Variants in GOLGB1 observed in about 807,000 individuals in gnomAD.
GOLGB1 encodes golgin subfamily B member 1.
GOLGB1 carries 174 observed loss-of-function variants against 336.9 expected under a neutral mutation model. The ratio of observed to expected loss-of-function variants is 0.52; its 90% CI spans 0.46 to 0.59. The LOEUF is 0.59. Among genes scored for constraint, GOLGB1 ranks in the 20% least tolerant of loss-of-function variants. The probability of loss-of-function intolerance (pLI) is 0.00; values close to 1 mark genes in which losing one functional copy is unlikely to be tolerated. For missense variants in GOLGB1, 3,331 were observed against 3,645.3 expected, an observed-to-expected ratio of 0.91 and a Z score of 2.22; for synonymous variants, 1,208 against 1,289.2, an observed-to-expected ratio of 0.94 and a Z score of 1.35.
intron 10 of GOLGB1, among the ~76,000 whole-genome samples, chr3:121,705,966 C>G (rs1242182243): frequency 6.6e-6 from 1 of 152,002 alleles, no homozygotes; most frequent in Non-Finnish European, 1.5e-5. Context: ...CTGAAAGGAC[C>G]AAGTTTTTTT....
At chr3:121,747,163 TA>T (rs1947355930) in intron 1 of GOLGB1, among the ~76,000 whole-genome samples, 1 of 93,672 alleles carries the variant, frequency 1.1e-5, no homozygotes. Context: ...TATATATATA[TA>T]TATATATATA....
At position 121,722,340 on chromosome 3, in the gene GOLGB1, T is replaced by C. The variant is rs1423769727; in HGVS notation, c.570A>G (p.Gln190=). The change falls in exon 6 of 22, where the codon CAA becomes CAG. Residue 190 remains glutamine, a synonymous_variant. Coordinates refer to ENST00000614479, the MANE Select transcript of GOLGB1 (RefSeq NM_001366282.2). ...TGAATTCTTCCTTCTCCTGGAGCTGTTGCTTCATCATTACAAATTCTTCCA... is the reference window on the plus strand; with the variant it reads ...TGAATTCTTCCTTCTCCTGGAGCTGCTGCTTCATCATTACAAATTCTTCCA... ...TEMEEFVMMK[Q]QLQEKEEFIS... 1.2e-6 allele frequency: 2 copies of C among 1,611,184 alleles called. No individual in the cohort carries two copies. The highest frequency in any genetic ancestry group is 1.7e-5 in the Admixed American group (1 of 59,980).
intron 8 of GOLGB1, among the ~76,000 whole-genome samples, chr3:121,717,802 A>C (rs1944890230): frequency 6.6e-6 from 1 of 152,224 alleles, no homozygotes; most frequent in South Asian, 2.1e-4. Flanking sequence ...CCTTATTCTA[A>C]ATGCTTGGGA....
intron 1 of GOLGB1, among the ~76,000 whole-genome samples, chr3:121,745,563 T>C (rs1483312601): frequency 6.6e-6 from 1 of 151,962 alleles, no homozygotes; most frequent in Admixed American, 6.6e-5. Flanking sequence ...TATACGTGTA[T>C]GTATATGTAT....
chr3:121,667,389 A>C (rs1395248375), intron 20 of GOLGB1, 87 bp downstream of exon 20: 1 of 1,383,986 alleles, frequency 7.2e-7, no homozygotes, highest in Non-Finnish European at 9.9e-7. Flanking sequence ...AAAAGATCTT[A>C]AGAAATCCTA....
Position 121,729,192 on chromosome 3 carries a change from G to C in GOLGB1, c.398C>G (p.Ser133Cys). 6.2e-7 allele frequency: 1 copy of C among 1,603,408 alleles called. No homozygotes were observed. The highest frequency in any genetic ancestry group is 8.5e-7 in the Non-Finnish European group (1 of 1,175,952). The change falls in exon 4 of 22, where the codon TCC becomes TGC. Residue 133 changes from serine to cysteine, a missense_variant. Ser to Cys is a moderately radical substitution (Grantham distance 112). Transcript: ENST00000614479. The stretch of plus-strand genomic sequence containing the variant: ...CACTACACCCAGTCACCATACCTTG[G>C]AAAGTTGCTCCTCTGACTGAGGTTC... The part of the protein sequence containing the change: ...PTEPQSEEQL[S>C]KHDKSSTEEE...
At position 121,667,483 on chromosome 3, in the gene GOLGB1, T is replaced by A. The variant is rs1261236516; in HGVS notation, c.9547A>T (p.Ile3183Phe). Residue 3183 changes from isoleucine (I) to phenylalanine (F), a missense_variant, in exon 20 of 22, where the codon ATC becomes TTC. Ile to Phe is a conservative substitution (Grantham distance 21). Transcript: ENST00000614479. ...ATCTCCTTCAGCCTTTACCGTCTGA[T>A]CTGCTCCTCGGCCACAGAGAGAGCA... ...ENALSVAEEQ[I>F]RRLEHSEWDS... 1 of 1,613,882 alleles carries A rather than the reference T, an allele frequency of 6.2e-7. No individual in the cohort carries two copies. Among genetic ancestry groups the A allele is most frequent in the African/African-American group, 1.3e-5 (1 of 74,946 alleles).
intron 6 of GOLGB1, among the ~76,000 whole-genome samples, 171 bp downstream of exon 6, chr3:121,722,091 C>T (rs1945236940): frequency 6.6e-6 from 1 of 152,190 alleles, no homozygotes; most frequent in Admixed American, 6.5e-5. Context: ...CACTTACCTA[C>T]CACACATCTC....
At chr3:121,747,998 GATTT>G (rs1245948559) in intron 1 of GOLGB1, among the ~76,000 whole-genome samples, 3 of 151,826 alleles carry the variant, frequency 2.0e-5, no homozygotes, top group Admixed American at 1.3e-4. Flanking sequence ...ATTAATGAAT[GATTT>G]ATTTTATAAA....
chr3:121,729,094 T>C (rs1413586652), intron 4 of GOLGB1, 94 bp downstream of exon 4: 3 of 855,742 alleles, frequency 3.5e-6, no homozygotes, highest in Admixed American at 2.5e-5. Context: ...TGCTGTATCA[T>C]TTTAGCATCC....
Position 121,664,993 on chromosome 3 carries a change from A to T in GOLGB1, c.9593T>A (p.Ile3198Asn). The change falls in exon 21 of 22, where the codon ATC (isoleucine) becomes AAC (asparagine). Residue 3198 changes from isoleucine to asparagine, a missense_variant. By Grantham distance (149) the Ile-to-Asn change is moderately radical (BLOSUM62 -3). Coordinates refer to ENST00000614479, the MANE Select transcript of GOLGB1 (RefSeq NM_001366282.2). The part of the protein sequence containing the change: ...HSEWDSSRTP[I>N]IGSCGTQEQA... ...CTCCTGAGTGCCACAGGAGCCAATGATAGGAGTCCGGGAAGAGTCCCATTC... is the reference window on the plus strand; with the variant it reads ...CTCCTGAGTGCCACAGGAGCCAATGTTAGGAGTCCGGGAAGAGTCCCATTC... 2.5e-6 allele frequency: 4 copies of T among 1,611,772 alleles called. No homozygotes were observed. Among genetic ancestry groups the T allele is most frequent in the Non-Finnish European group, 3.4e-6 (4 of 1,177,780 alleles).
chr3:121,665,094 G>A, intron 20 of GOLGB1, 63 bp from the exon 21 acceptor site: 1 of 880,494 alleles, frequency 1.1e-6, no homozygotes. Context: ...ATCAGGCCCA[G>A]TCTTCCCAGT....
intron 15 of GOLGB1, among the ~76,000 whole-genome samples, chr3:121,678,050 A>C (rs902337378): frequency 1.3e-5 from 2 of 152,254 alleles, no homozygotes; most frequent in African/African-American, 4.8e-5. Flanking sequence ...CAAAAGAAGA[A>C]ACAAATTTAT....
intron 9 of GOLGB1, among the ~76,000 whole-genome samples, chr3:121,716,193 T>C (rs1296175144): frequency 1.3e-5 from 2 of 152,222 alleles, no homozygotes; most frequent in African/African-American, 2.4e-5. Context: ...AGTTCTAAAA[T>C]GTTCAATTTT....
Position 121,718,571 on chromosome 3 carries a change from G to A in GOLGB1, c.772-70C>T. 6 of 1,103,366 alleles carry A rather than the reference G, an allele frequency of 5.4e-6. No individual in the cohort carries two copies. The Admixed American group carries it at 7.2e-5, about 13-fold the overall frequency. The allele number at this position is 1,103,366 out of a possible 1,614,324, so 68.3% of individuals were successfully genotyped here. On this transcript the variant is annotated intron_variant, in intron 7 of 21. Coordinates refer to ENST00000614479, the MANE Select transcript of GOLGB1 (RefSeq NM_001366282.2). ...CTTGTATTTGCTTATCTTTCAAAAT[G>A]TCATGTAGATTTGTATACTTAAATT...
At position 121,691,165 on chromosome 3, in the gene GOLGB1, A is replaced by T. The variant is rs765398243; in HGVS notation, c.8199T>A (p.Gly2733=). The part of the protein sequence containing the change: ...KLLMVTKENK[G]LTAQIQSFGR... ...CAAAAGACTGAATTTGTGCTGTGAG[A>T]CCTTTATTTTCTTTGGTGACCATGA... Residue 2733 remains glycine, a synonymous_variant, in exon 14 of 22, where the codon GGT becomes GGA. Coordinates refer to ENST00000614479, the MANE Select transcript of GOLGB1 (RefSeq NM_001366282.2). 3.8e-5 allele frequency: 62 copies of T among 1,613,408 alleles called. No homozygotes were observed. In the Middle Eastern group the frequency reaches 1.3e-3, roughly 34 times the overall value.
chr3:121,725,112 G>C (rs1945481465), intron 5 of GOLGB1, among the ~76,000 whole-genome samples: 2 of 152,128 alleles, frequency 1.3e-5, no homozygotes, highest in Middle Eastern at 3.2e-3. Flanking sequence ...AGCCCCACTA[G>C]AGCAATGCCA....
Position 121,667,597 on chromosome 3 carries a change from G to A in GOLGB1, c.9433C>T (p.Gln3145Ter). The change falls in exon 20 of 22, where the codon CAG (glutamine) becomes TAG (stop). Residue 3145 changes from glutamine to a stop codon, truncating the protein, a stop_gained. Coordinates refer to ENST00000614479, the MANE Select transcript of GOLGB1 (RefSeq NM_001366282.2). LOFTEE classifies it high-confidence loss of function. ...REPQQSFSEA[Q>*]QQLCNTRQEV... ...TGTCTGGTGTTGCATAGCTGCTGCT[G>A]AGCTTCAGAAAAGCTTTAGGATGAG... The A allele has an allele frequency of 6.2e-7, 1 of 1,613,752 alleles. No homozygotes were observed. The highest frequency in any genetic ancestry group is 8.5e-7 in the Non-Finnish European group (1 of 1,179,750).
At position 121,664,302 on chromosome 3, in the gene GOLGB1, G is replaced by A. The variant is rs1347386373; in HGVS notation, c.*178C>T. The A allele has an allele frequency of 1.6e-5, 10 of 622,938 alleles. No homozygotes were observed. Among genetic ancestry groups the A allele is most frequent in the Non-Finnish European group, 2.3e-5 (8 of 345,004 alleles). 38.6% of individuals were successfully genotyped at this position (622,938 alleles called of 1,614,324 possible). A position where few individuals can be genotyped will look rare whatever the true frequency, so the allele number is the denominator to read the frequency against. ...GCAGTAGAAGAAAGCAGACTCGCCA[G>A]TCCCTGCAGCTCCAACCTGTCCTCG... On this transcript the variant is annotated 3_prime_UTR_variant, in exon 22 of 22. Transcript: ENST00000614479.
Sources: gnomAD v4.1 joint callset for allele counts (sites outside exome capture counted in the v4.1 genomes callset) on GRCh38, gnomAD v4.1.1 for gene constraint, MANE v1.5 for transcripts, NCBI Gene and HGNC (gene_info 2026-07-23, HGNC 2026-07-21) for gene names.